Variants in CNTNAP2 observed in about 807,000 individuals in gnomAD.
CNTNAP2 encodes contactin associated protein 2, also known as contactin-associated protein-like 2.
A neutral mutation model predicts 155.2 loss-of-function variants in CNTNAP2; 98 were observed. The observed-to-expected ratio is 0.63, with a 90% confidence interval of 0.54 to 0.75. The LOEUF (loss-of-function observed/expected upper bound fraction) is 0.75. Among genes scored for constraint, CNTNAP2 ranks in the 30% least tolerant of loss-of-function variants. The pLI is 0.00. For synonymous variants in CNTNAP2, 651 were observed against 631.2 expected, an observed-to-expected ratio of 1.03 and a Z score of -0.47; for missense variants, 1,727 against 1,688.1, an observed-to-expected ratio of 1.02 and a Z score of -0.40.
At chr7:146,963,715 G>T (rs1797601376) in intron 3 of CNTNAP2, among the ~76,000 whole-genome samples, 2 of 152,094 alleles carry the variant, frequency 1.3e-5, no homozygotes, top group South Asian at 2.1e-4. Flanking sequence ...AATCGATTTG[G>T]TGTTTAATAT....
intron 1 of CNTNAP2, among the ~76,000 whole-genome samples, chr7:146,259,966 T>G (rs1799896015): frequency 6.6e-6 from 1 of 151,918 alleles, no homozygotes; most frequent in Non-Finnish European, 1.5e-5. Context: ...GAGGGAAAAA[T>G]AGTTTCCTGG....
At chr7:146,642,919 G>C (rs892430592) in intron 1 of CNTNAP2, among the ~76,000 whole-genome samples, 38 of 151,702 alleles carry the variant, frequency 2.5e-4, no homozygotes, top group Non-Finnish European at 2.6e-4. Context: ...GTGATGAAGA[G>C]CATTGTTTCA....
At chr7:146,554,917 T>C (rs182378857) in intron 1 of CNTNAP2, among the ~76,000 whole-genome samples, 20 of 152,354 alleles carry the variant, frequency 1.3e-4, no homozygotes, top group Admixed American at 1.2e-3. Flanking sequence ...CACCTCCTTT[T>C]TTCTCACTGA....
intron 13 of CNTNAP2, among the ~76,000 whole-genome samples, chr7:147,830,304 G>T (rs925271082): frequency 6.6e-6 from 1 of 152,004 alleles, no homozygotes; most frequent in South Asian, 2.1e-4. Flanking sequence ...TCTGTTCATA[G>T]ATGGCTCTTT....
chr7:147,100,497 A>G (rs528187582), intron 4 of CNTNAP2, among the ~76,000 whole-genome samples: 305 of 152,334 alleles, frequency 2.0e-3, no homozygotes, highest in African/African-American at 7.0e-3. Flanking sequence ...TAATGCATTT[A>G]ATTCAAAGGA....
intron 1 of CNTNAP2, among the ~76,000 whole-genome samples, chr7:146,650,581 A>T (rs887353914): frequency 3.3e-5 from 5 of 152,038 alleles, no homozygotes; most frequent in African/African-American, 1.2e-4. Context: ...TAGGAGAAAT[A>T]CCTAATGTAG....
At chr7:148,099,525 AAC>A (rs1383465269) in intron 15 of CNTNAP2, among the ~76,000 whole-genome samples, 2 of 151,250 alleles carry the variant, frequency 1.3e-5, no homozygotes, top group African/African-American at 4.9e-5. Flanking sequence ...TGGATGGTAC[AAC>A]CTCAGGAAAC....
intron 11 of CNTNAP2, among the ~76,000 whole-genome samples, chr7:147,561,420 C>T (rs1307210871): frequency 6.6e-6 from 1 of 152,038 alleles, no homozygotes; most frequent in Non-Finnish European, 1.5e-5. Flanking sequence ...TGTAAATGTC[C>T]GTTTTGTACT....
At chr7:147,365,692 G>A (rs893402354) in intron 9 of CNTNAP2, among the ~76,000 whole-genome samples, 6 of 151,970 alleles carry the variant, frequency 3.9e-5, no homozygotes, top group African/African-American at 1.4e-4. Flanking sequence ...ACATTATAGT[G>A]TAAAATATAT....
At chr7:146,421,395 A>G (rs1168960319) in intron 1 of CNTNAP2, among the ~76,000 whole-genome samples, 1 of 151,994 alleles carries the variant, frequency 6.6e-6, no homozygotes, top group Non-Finnish European at 1.5e-5. Context: ...CTTCTAATCT[A>G]TTACTAGTTA....
At chr7:146,117,608 G>A (rs1379669493) in intron 1 of CNTNAP2, among the ~76,000 whole-genome samples, 1 of 152,120 alleles carries the variant, frequency 6.6e-6, no homozygotes, top group East Asian at 1.9e-4. Flanking sequence ...GCAAAGCGTC[G>A]TTAATGTAGT....
intron 1 of CNTNAP2, among the ~76,000 whole-genome samples, chr7:146,187,302 G>T (rs891487869): frequency 6.6e-6 from 1 of 152,128 alleles, no homozygotes; most frequent in Non-Finnish European, 1.5e-5. Context: ...CACAGCAGAG[G>T]TGTTACATGT....
At chr7:147,077,243 C>CT (rs1202553425) in intron 4 of CNTNAP2, among the ~76,000 whole-genome samples, 1 of 151,856 alleles carries the variant, frequency 6.6e-6, no homozygotes, top group Non-Finnish European at 1.5e-5. Context: ...ATTAACTTTT[C>CT]TTTTTTTCCT....
chr7:146,870,725 A>G (rs1229543061), intron 3 of CNTNAP2, among the ~76,000 whole-genome samples: 2 of 151,706 alleles, frequency 1.3e-5, no homozygotes, highest in African/African-American at 4.9e-5. Context: ...TTGAAAAAGA[A>G]CCAGTATTTT....
chr7:148,420,173 G>A lies in CNTNAP2; in HGVS notation c.*4557G>A, dbSNP rs1017703718. The A allele has an allele frequency of 2.6e-5, 4 of 152,134 alleles. No homozygotes were observed. The highest frequency in any genetic ancestry group is 9.7e-5 in the African/African-American group (4 of 41,416). 9.4% of individuals were successfully genotyped at this position (152,134 alleles called of 1,614,324 possible). A position where few individuals can be genotyped will look rare whatever the true frequency, so the allele number is the denominator to read the frequency against. On this transcript the variant is annotated 3_prime_UTR_variant, in exon 24 of 24. Coordinates refer to ENST00000361727, the MANE Select transcript of CNTNAP2 (RefSeq NM_014141.6). ...AAGGACAGAGAAATTAGAATTTTTT[G>A]TGCAGAAAGCCCTAAATTCCCACCT...
chr7:147,508,964 C>G (rs569075367), intron 11 of CNTNAP2, among the ~76,000 whole-genome samples: 1 of 152,252 alleles, frequency 6.6e-6, no homozygotes, highest in South Asian at 2.1e-4. Context: ...TAATAAATCT[C>G]CAAAGTTGTA....
chr7:146,874,809 C>T (rs1795387209), intron 3 of CNTNAP2, among the ~76,000 whole-genome samples: 1 of 152,150 alleles, frequency 6.6e-6, no homozygotes, highest in South Asian at 2.1e-4. Flanking sequence ...GGCATTATCA[C>T]CTGAAAGTCA....
At position 147,130,067 on chromosome 7, in the gene CNTNAP2, A is replaced by T. The variant is rs551985817; in HGVS notation, c.1083+1231A>T. 2.6e-5 allele frequency among the ~76,000 whole-genome samples: 4 copies of T among 152,254 alleles called. No homozygotes were observed. The East Asian group carries it at 7.7e-4, about 29-fold the overall frequency. The stretch of plus-strand genomic sequence containing the variant: ...AAACATTGCGATTTAACATGGAAAA[A>T]ATAAGTTATTTTATGAGAAAAATAA... On this transcript the variant is annotated intron_variant, in intron 7 of 23. Coordinates refer to ENST00000361727, the MANE Select transcript of CNTNAP2 (RefSeq NM_014141.6).
At chr7:147,628,621 A>C (rs9886094) in intron 12 of CNTNAP2, among the ~76,000 whole-genome samples, 1 of 152,130 alleles carries the variant, frequency 6.6e-6, no homozygotes, top group Admixed American at 6.5e-5. Context: ...AGTACCTCAC[A>C]TCTCACTGCT....
Sources: allele counts gnomAD v4.1 joint callset (sites outside exome capture counted in the v4.1 genomes callset), GRCh38; gene constraint gnomAD v4.1.1; transcripts MANE v1.5; gene names NCBI Gene and HGNC (gene_info 2026-07-23, HGNC 2026-07-21).